SLC38A6: variants seen among roughly 807,000 people sequenced by gnomAD.
SLC38A6 encodes the protein solute carrier family 38 member 6, also known as N system amino acid transporter NAT-1.
In SLC38A6, 73 loss-of-function variants were observed where a neutral mutation model predicts 65.0. That is an observed-to-expected ratio of 1.12 (90% CI 0.93 to 1.37). SLC38A6 has a LOEUF of 1.37. SLC38A6 is among the 40% of genes most tolerant of loss of function. SLC38A6 has a pLI of 0.00. For missense variants in SLC38A6, 561 were observed against 531.1 expected, an observed-to-expected ratio of 1.06 and a Z score of -0.55; for synonymous variants, 183 against 178.8, an observed-to-expected ratio of 1.02 and a Z score of -0.19.
Position 60,984,800 on chromosome 14 carries a change from A to T in SLC38A6, c.307A>T (p.Thr103Ser). 1 of 1,613,522 alleles carries T rather than the reference A, an allele frequency of 6.2e-7. No individual in the cohort carries two copies. The highest frequency in any genetic ancestry group is 8.5e-7 in the Non-Finnish European group (1 of 1,179,568). The change falls in exon 3 of 16, where the codon ACA becomes TCA. Residue 103 changes from threonine to serine, a missense_variant. Coordinates refer to ENST00000267488, the MANE Select transcript of SLC38A6 (RefSeq NM_153811.3). Reference protein sequence around the residue: ...VHLLLSMCIQTAVTSYEDLGL... With the variant: ...VHLLLSMCIQSAVTSYEDLGL... ...TCTTCTGCTTAGTATGTGTATTCAG[A>T]CAGGTGAGTAAAAATGTTATGCTGC...
intron 16 of SLC38A6, among the ~76,000 whole-genome samples, chr14:61,083,110 G>T (rs2043720998): frequency 6.6e-6 from 1 of 152,218 alleles, no homozygotes; most frequent in African/African-American, 2.4e-5. Flanking sequence ...TCTGAGCCCA[G>T]AGGTTCACCT....
In SLC38A6 at chr14:61,030,427, C is replaced by G. The variant is rs2040902398; in HGVS notation, c.404-18C>G. On this transcript the variant is annotated intron_variant, in intron 5 of 15. Transcript: ENST00000267488. Reference sequence around the variant, plus strand: ...GAATCATAGAATTCTAATAGGAACACTATTTATTCTTTTGCAGCTATGTCA... The same window carrying G: ...GAATCATAGAATTCTAATAGGAACAGTATTTATTCTTTTGCAGCTATGTCA... 6.4e-7 allele frequency: 1 copy of G among 1,562,694 alleles called. No homozygotes were observed. The highest frequency in any genetic ancestry group is 1.2e-5 in the South Asian group (1 of 86,848).
Position 61,045,429 on chromosome 14 carries a change from C to T in SLC38A6, c.824+4C>T. On this transcript the variant is annotated splice_donor_region_variant and intron_variant, in intron 11 of 15. Coordinates refer to ENST00000267488, the MANE Select transcript of SLC38A6 (RefSeq NM_153811.3). ...CCATATACTGTGAACTTCAAAGGTACTGTAGAATCCTGGAATATTTTAAAT... is the reference window on the plus strand; with the variant it reads ...CCATATACTGTGAACTTCAAAGGTATTGTAGAATCCTGGAATATTTTAAAT... 1 of 1,588,148 alleles carries T rather than the reference C, an allele frequency of 6.3e-7. No homozygotes were observed.
intron 3 of SLC38A6, among the ~76,000 whole-genome samples, chr14:60,991,538 C>T (rs78717434): frequency 0.017 from 2,631 of 152,266 alleles, 80 homozygotes; most frequent in African/African-American, 0.061. Flanking sequence ...CAAACCCACA[C>T]AGTCTGGCTC....
chr14:61,015,771 GTGTTTAGTCC>G (rs1375828182), intron 3 of SLC38A6, 123 bp from the exon 4 acceptor site: 12 of 509,228 alleles, frequency 2.4e-5, no homozygotes, highest in Middle Eastern at 6.4e-4. Context: ...TTCTCATTTT[GTGTTTAGTCC>G]TGATTGGCCT....
intron 3 of SLC38A6, among the ~76,000 whole-genome samples, chr14:60,990,665 C>A (rs571379978): frequency 5.3e-4 from 81 of 152,196 alleles, no homozygotes; most frequent in African/African-American, 1.8e-3. Flanking sequence ...TAGTGTCTTG[C>A]TGTGTGGCCC....
chr14:61,037,688 G>T lies in SLC38A6; in HGVS notation c.624+5G>T. The stretch of plus-strand genomic sequence containing the variant: ...ATGATGTTCTTTGCTCTTGTGGTAA[G>T]TTTAAAATATAATACATTGCTTATC... On this transcript the variant is annotated splice_donor_5th_base_variant and intron_variant, in intron 8 of 15. Transcript: ENST00000267488. The T allele has an allele frequency of 6.4e-7, 1 of 1,562,890 alleles. No individual in the cohort carries two copies. The highest frequency in any genetic ancestry group is 8.8e-7 in the Non-Finnish European group (1 of 1,142,208).
intron 2 of SLC38A6, 87 bp from the exon 3 acceptor site, chr14:60,984,643 C>A: frequency 1.0e-6 from 1 of 1,000,100 alleles, no homozygotes; most frequent in Non-Finnish European, 1.6e-6. Flanking sequence ...GAATATTTGA[C>A]TGTTAAGCAA....
chr14:61,014,597 C>A (rs936307657), intron 3 of SLC38A6, among the ~76,000 whole-genome samples: 3 of 152,168 alleles, frequency 2.0e-5, no homozygotes, highest in Non-Finnish European at 4.4e-5. Context: ...AGTTTTCCTT[C>A]TAACAGTTAG....
intron 5 of SLC38A6, among the ~76,000 whole-genome samples, chr14:61,029,748 A>C (rs2040834507): frequency 6.6e-6 from 1 of 152,198 alleles, no homozygotes; most frequent in African/African-American, 2.4e-5. Flanking sequence ...TCAGGTTATG[A>C]TTACATAATA....
At chr14:61,015,861 A>C in intron 3 of SLC38A6, 43 bp from the exon 4 acceptor site, 1 of 1,523,734 alleles carries the variant, frequency 6.6e-7, no homozygotes, top group East Asian at 2.3e-5. Context: ...CTGACACATA[A>C]ATAGTTTTGT....
intron 12 of SLC38A6, among the ~76,000 whole-genome samples, chr14:61,047,098 T>C (rs1236490998): frequency 1.3e-5 from 2 of 152,142 alleles, no homozygotes; most frequent in Non-Finnish European, 2.9e-5. Context: ...TATATTTCTT[T>C]TATTAAAATT....
intron 3 of SLC38A6, among the ~76,000 whole-genome samples, chr14:61,006,828 T>C (rs1340878257): frequency 6.6e-6 from 1 of 151,178 alleles, no homozygotes; most frequent in Non-Finnish European, 1.5e-5. Flanking sequence ...ACTGGGTATA[T>C]ACCCAAAGGA....
chr14:61,007,512 T>C lies in SLC38A6; in HGVS notation c.311-8392T>C, dbSNP rs181917377. ...TTAGCCTGGGCCTGGTGTATTTGCATGTGCCTGTGGTCCCAGCAACTCCAG... is the reference window on the plus strand; with the variant it reads ...TTAGCCTGGGCCTGGTGTATTTGCACGTGCCTGTGGTCCCAGCAACTCCAG... On this transcript the variant is annotated intron_variant, in intron 3 of 15. Transcript: ENST00000267488. Among the ~76,000 whole-genome samples, 428 of 152,192 alleles carry C rather than the reference T, an allele frequency of 2.8e-3. 2 individuals carry two copies. The highest frequency in any genetic ancestry group is 9.8e-3 in the African/African-American group (407 of 41,524).
At chr14:61,030,552 G>A (rs763483055) in intron 6 of SLC38A6, 29 bp downstream of exon 6, 31 of 1,455,946 alleles carry the variant, frequency 2.1e-5, no homozygotes, top group Admixed American at 5.6e-5. Flanking sequence ...CATTGTGTCC[G>A]TTCATGTATT....
chr14:60,981,304 C>T lies in SLC38A6; in HGVS notation c.27C>T (p.Asn9=). Residue 9 remains asparagine (N), a synonymous_variant, in exon 1 of 16, where the codon AAC becomes AAT. Transcript: ENST00000267488. The part of the protein sequence containing the change: MEASWGSF[N]AERGWYVSVQ... ...TGGAGGCGTCCTGGGGGAGCTTCAA[C>T]GCTGAGCGGGGCTGGTATGTCTCTG... 2.5e-6 allele frequency: 4 copies of T among 1,609,778 alleles called. 1 individual carries two copies. The highest frequency in any genetic ancestry group is 3.4e-6 in the Non-Finnish European group (4 of 1,178,318).
intron 16 of SLC38A6, among the ~76,000 whole-genome samples, chr14:61,082,261 C>T (rs1314550892): frequency 6.6e-6 from 1 of 152,192 alleles, no homozygotes; most frequent in African/African-American, 2.4e-5. Flanking sequence ...AATCGTAAAA[C>T]TGGTCTGCCT....
intron 15 of SLC38A6, among the ~76,000 whole-genome samples, chr14:61,075,423 C>T (rs1262796301): frequency 1.3e-5 from 2 of 152,178 alleles, no homozygotes; most frequent in Non-Finnish European, 2.9e-5. Flanking sequence ...TGCTTCCTCC[C>T]AGAGTCCGTG....
intron 16 of SLC38A6, among the ~76,000 whole-genome samples, chr14:61,079,136 T>TTC (rs1459714121): frequency 7.0e-6 from 1 of 142,118 alleles, no homozygotes; most frequent in African/African-American, 2.7e-5. Flanking sequence ...CTCCAAACTT[T>TTC]TTTTTTTTTT....
Sources: allele counts gnomAD v4.1 joint callset (sites outside exome capture counted in the v4.1 genomes callset), GRCh38; gene constraint gnomAD v4.1.1; transcripts MANE v1.5; gene names NCBI Gene and HGNC (gene_info 2026-07-23, HGNC 2026-07-21).